SEMA3E: variants seen among roughly 807,000 people sequenced by gnomAD.
SEMA3E encodes semaphorin 3E.
In SEMA3E, 49 loss-of-function variants were observed where a neutral mutation model predicts 93.6. That is an observed-to-expected ratio of 0.52 (90% confidence interval 0.42 to 0.66). SEMA3E has a LOEUF of 0.66. Ranked by LOEUF, SEMA3E falls within the 30% of genes least tolerant of loss-of-function variation. SEMA3E has a pLI of 0.00. For synonymous variants in SEMA3E, 363 were observed against 330.7 expected, an observed-to-expected ratio of 1.10 and a Z score of -1.06; for missense variants, 906 against 964.8, an observed-to-expected ratio of 0.94 and a Z score of 0.81.
intron 9 of SEMA3E, among the ~76,000 whole-genome samples, chr7:83,404,882 G>T (rs1383138717): frequency 6.6e-6 from 1 of 151,914 alleles, no homozygotes. Context: ...TGTTGGAGGA[G>T]AAAGTTTTTT....
At chr7:83,482,174 TG>T (rs1235279928) in intron 2 of SEMA3E, among the ~76,000 whole-genome samples, 1 of 152,058 alleles carries the variant, frequency 6.6e-6, no homozygotes, top group Admixed American at 6.6e-5. Flanking sequence ...GGTGGATAGG[TG>T]GCTTGGGATG....
chr7:83,439,446 T>C (rs1485526280), intron 4 of SEMA3E, among the ~76,000 whole-genome samples: 1 of 152,220 alleles, frequency 6.6e-6, no homozygotes, highest in Non-Finnish European at 1.5e-5. Flanking sequence ...GGGCAAAGTC[T>C]TTCATGATCA....
In SEMA3E at chr7:83,568,844, A is replaced by G. The variant is rs141529866; in HGVS notation, c.116-78570T>C. On this transcript the variant is annotated intron_variant, in intron 1 of 16. Coordinates refer to ENST00000643230, the MANE Select transcript of SEMA3E (RefSeq NM_012431.3). ...AAGGATGCCCTCTTTTACTCTTCCTAGTCAACATAGTACTAAAAGTCCTAG... is the reference window on the plus strand; with the variant it reads ...AAGGATGCCCTCTTTTACTCTTCCTGGTCAACATAGTACTAAAAGTCCTAG... Among the ~76,000 whole-genome samples, 50 of 152,248 alleles carry G rather than the reference A, an allele frequency of 3.3e-4. No homozygotes were observed. The East Asian group carries it at 9.1e-3, about 28-fold the overall frequency.
intron 1 of SEMA3E, among the ~76,000 whole-genome samples, chr7:83,565,506 G>A (rs778193570): frequency 1.3e-5 from 2 of 151,958 alleles, no homozygotes; most frequent in Non-Finnish European, 2.9e-5. Context: ...ATATATCCTG[G>A]AACTTAAAAA....
chr7:83,459,313 A>C (rs985878433), intron 4 of SEMA3E, among the ~76,000 whole-genome samples: 1 of 152,176 alleles, frequency 6.6e-6, no homozygotes, highest in African/African-American at 2.4e-5. Flanking sequence ...CAAAACCACA[A>C]AGCAACTATT....
intron 1 of SEMA3E, among the ~76,000 whole-genome samples, chr7:83,533,015 C>T (rs1408306928): frequency 2.6e-5 from 4 of 152,088 alleles, no homozygotes; most frequent in Non-Finnish European, 4.4e-5. Context: ...TCACCTCCCT[C>T]CACCCCACAA....
At position 83,565,182 on chromosome 7, in the gene SEMA3E, G is replaced by A. The variant is rs551631126; in HGVS notation, c.116-74908C>T. On this transcript the variant is annotated intron_variant, in intron 1 of 16. Coordinates refer to ENST00000643230, the MANE Select transcript of SEMA3E (RefSeq NM_012431.3). ...AGATAAAGAAAGATAAAGAAAATGCGGTACATATACACCATGGAATACTAT... is the reference window on the plus strand; with the variant it reads ...AGATAAAGAAAGATAAAGAAAATGCAGTACATATACACCATGGAATACTAT... Among the ~76,000 whole-genome samples, 83 of 151,954 alleles carry A rather than the reference G, an allele frequency of 5.5e-4. No individual in the cohort carries two copies. The South Asian group carries it at 0.015, about 27-fold the overall frequency.
intron 5 of SEMA3E, among the ~76,000 whole-genome samples, chr7:83,410,744 G>T (rs1458414276): frequency 6.6e-6 from 1 of 151,904 alleles, no homozygotes; most frequent in East Asian, 1.9e-4. Flanking sequence ...TCAACTCTAT[G>T]GCATAAACAA....
intron 4 of SEMA3E, among the ~76,000 whole-genome samples, chr7:83,466,036 C>T (rs776210654): frequency 7.2e-5 from 11 of 152,140 alleles, no homozygotes; most frequent in Non-Finnish European, 1.2e-4. Context: ...CCCTACCTCA[C>T]CTGACCATGA....
At chr7:83,630,052 C>A (rs1793755853) in intron 1 of SEMA3E, among the ~76,000 whole-genome samples, 1 of 152,156 alleles carries the variant, frequency 6.6e-6, no homozygotes, top group Non-Finnish European at 1.5e-5. Context: ...TGTTCCCCAA[C>A]CCCTTGCACT....
intron 1 of SEMA3E, among the ~76,000 whole-genome samples, chr7:83,615,850 C>G (rs42021): frequency 0.29 from 43,471 of 151,858 alleles, 6,820 homozygotes; most frequent in South Asian, 0.35. Context: ...AAACACAAGC[C>G]AAAGCGAAAT....
Position 83,490,130 on chromosome 7 carries a change from C to A in SEMA3E, c.260G>T (p.Ser87Ile). ...TTTCTATACCTCTTTATAGCCGTCA[C>A]TGATTCTCTCCAAGCTGAGGGAATA... ...LVYSLSLERI[S>I]DGYKEIHWPS... The change falls in exon 2 of 17, where the codon AGT becomes ATT. Residue 87 changes from serine to isoleucine, a missense_variant. By Grantham distance (142) the Ser-to-Ile change is moderately radical (BLOSUM62 -2). Transcript: ENST00000643230. 1 of 1,612,842 alleles carries A rather than the reference C, an allele frequency of 6.2e-7. No individual in the cohort carries two copies. The highest frequency in any genetic ancestry group is 8.5e-7 in the Non-Finnish European group (1 of 1,179,310).
chr7:83,392,564 T>C lies in SEMA3E; in HGVS notation c.1658A>G (p.His553Arg). The C allele has an allele frequency of 6.2e-7, 1 of 1,612,912 alleles. No homozygotes were observed. The part of the protein sequence containing the change: ...SCSRYYPTGT[H>R]AKRRFRRQDV... ...AGGTAGCACGTCTCACCTTTTTGCA[T>C]GTGTGCCTGTTGGGTAATACCGGGA... The change falls in exon 14 of 17, where the codon CAT becomes CGT. Residue 553 changes from histidine (H) to arginine (R), a missense_variant. Coordinates refer to ENST00000643230, the MANE Select transcript of SEMA3E (RefSeq NM_012431.3).
chr7:83,643,720 C>G (rs1794043556), intron 1 of SEMA3E, among the ~76,000 whole-genome samples: 1 of 151,976 alleles, frequency 6.6e-6, no homozygotes, highest in Non-Finnish European at 1.5e-5. Flanking sequence ...CTCAACAAAA[C>G]ATATTGTAAT....
At chr7:83,494,749 T>C (rs1435664088) in intron 1 of SEMA3E, among the ~76,000 whole-genome samples, 2 of 151,960 alleles carry the variant, frequency 1.3e-5, no homozygotes, top group Non-Finnish European at 2.9e-5. Context: ...TGGCCAAATA[T>C]GTCTGTTAGC....
intron 1 of SEMA3E, among the ~76,000 whole-genome samples, chr7:83,581,315 A>T (rs953136302): frequency 2.0e-5 from 3 of 152,026 alleles, no homozygotes; most frequent in Non-Finnish European, 4.4e-5. Flanking sequence ...ATTGCAGCAG[A>T]TCGCTGCACT....
rs1002974398 is a variant in SEMA3E at position 83,617,266 on chromosome 7, C to T, written c.115+31162G>A. 9.3e-5 allele frequency among the ~76,000 whole-genome samples: 14 copies of T among 151,208 alleles called. No homozygotes were observed. In the East Asian group the frequency reaches 1.2e-3, roughly 13 times the overall value. On this transcript the variant is annotated intron_variant, in intron 1 of 16. Transcript: ENST00000643230. ...ATATATAATCCTCCTCTGAGAATGACTAATTTCTATTTCATATGTGACAGA... is the reference window on the plus strand; with the variant it reads ...ATATATAATCCTCCTCTGAGAATGATTAATTTCTATTTCATATGTGACAGA...
intron 1 of SEMA3E, among the ~76,000 whole-genome samples, chr7:83,622,709 C>G (rs2115636445): frequency 6.6e-6 from 1 of 152,224 alleles, no homozygotes; most frequent in South Asian, 2.1e-4. Context: ...AAGCCATTAT[C>G]CTCGGCAAAC....
At chr7:83,414,686 A>T (rs1788506748) in intron 5 of SEMA3E, among the ~76,000 whole-genome samples, 1 of 152,152 alleles carries the variant, frequency 6.6e-6, no homozygotes, top group Admixed American at 6.6e-5. Flanking sequence ...AATAAAATTT[A>T]GTGTGCATTT....
Sources: gnomAD v4.1 joint callset for allele counts (sites outside exome capture counted in the v4.1 genomes callset) on GRCh38, gnomAD v4.1.1 for gene constraint, MANE v1.5 for transcripts, NCBI Gene and HGNC (gene_info 2026-07-23, HGNC 2026-07-21) for gene names.